TMEM117: variants seen among roughly 807,000 people sequenced by gnomAD.
The protein encoded by TMEM117 is transmembrane protein 117.
In TMEM117, 27 loss-of-function variants were observed where a neutral mutation model predicts 52.4. That is an observed-to-expected ratio of 0.51 (90% confidence interval 0.38 to 0.71). TMEM117 has a LOEUF of 0.71. Among genes scored for constraint, TMEM117 ranks in the 30% least tolerant of loss-of-function variants. TMEM117 has a pLI of 0.00. For missense variants in TMEM117, 556 were observed against 630.5 expected (o/e 0.88, Z 1.26); for synonymous variants, 215 against 206.3 (o/e 1.04, Z -0.36).
the TMEM117 span, among the ~76,000 whole-genome samples, chr12:43,813,007 C>CAAA: frequency 1.5e-4 from 22 of 143,068 alleles, no homozygotes; most frequent in African/African-American, 5.1e-4. Flanking sequence ...ACCCTGTCTC[C>CAAA]AAAAAAAAAA....
At chr12:43,988,824 C>T (rs549641419) in intron 3 of TMEM117, among the ~76,000 whole-genome samples, 1 of 152,150 alleles carries the variant, frequency 6.6e-6, no homozygotes. Flanking sequence ...TTTTGCAAAA[C>T]GTTTACAAGT....
chr12:44,378,099 TC>T (rs1242363421), intron 7 of TMEM117, among the ~76,000 whole-genome samples: 1 of 152,156 alleles, frequency 6.6e-6, no homozygotes, highest in Non-Finnish European at 1.5e-5. Context: ...CATCATCATA[TC>T]CCTTTGGGGG....
intron 3 of TMEM117, among the ~76,000 whole-genome samples, chr12:43,975,472 G>A (rs1178370821): frequency 6.6e-6 from 1 of 152,116 alleles, no homozygotes; most frequent in Non-Finnish European, 1.5e-5. Context: ...GCTCATGACA[G>A]TTTAGGAGGA....
chr12:43,885,114 A>G (rs1943967958), intron 2 of TMEM117, among the ~76,000 whole-genome samples: 1 of 152,152 alleles, frequency 6.6e-6, no homozygotes, highest in Non-Finnish European at 1.5e-5. Flanking sequence ...ATCCCATCCC[A>G]TTTATGAAAG....
chr12:44,139,810 A>G (rs1948545634), intron 3 of TMEM117, among the ~76,000 whole-genome samples: 1 of 152,150 alleles, frequency 6.6e-6, no homozygotes, highest in Admixed American at 6.6e-5. Flanking sequence ...GAAACCTCAC[A>G]ATTTCACTTT....
At position 44,093,671 on chromosome 12, in the gene TMEM117, A is replaced by G. The variant is rs537854983; in HGVS notation, c.411-49854A>G. 7.9e-5 allele frequency among the ~76,000 whole-genome samples: 12 copies of G among 152,200 alleles called. No homozygotes were observed. In the South Asian group the frequency reaches 2.1e-3, roughly 26 times the overall value. Reference sequence around the variant, plus strand: ...CAATGAAATCATCTTTTTTTCATTGAATAGCATTACATAGATCTTTTAAGA... The same window carrying G: ...CAATGAAATCATCTTTTTTTCATTGGATAGCATTACATAGATCTTTTAAGA... On this transcript the variant is annotated intron_variant, in intron 3 of 7. Coordinates refer to ENST00000266534, the MANE Select transcript of TMEM117 (RefSeq NM_032256.3).
chr12:44,273,258 C>T lies in TMEM117; in HGVS notation c.609-26322C>T, dbSNP rs559237582. Among the ~76,000 whole-genome samples the T allele has an allele frequency of 7.2e-5, 11 of 151,994 alleles. No homozygotes were observed. The East Asian group carries it at 1.7e-3, about 24-fold the overall frequency. ...GGGGGGATAGCATTAGGAGATGTACCTAATGTAAATGATGAGTTAATGGGT... is the reference window on the plus strand; with the variant it reads ...GGGGGGATAGCATTAGGAGATGTACTTAATGTAAATGATGAGTTAATGGGT... On this transcript the variant is annotated intron_variant, in intron 5 of 7. Transcript: ENST00000266534.
chr12:44,316,043 T>C (rs115761605), intron 6 of TMEM117, among the ~76,000 whole-genome samples: 3,020 of 152,238 alleles, frequency 0.02, 99 homozygotes, highest in African/African-American at 0.068. Context: ...TGTGTCTTCT[T>C]AGTGAAGCAT....
At chr12:44,018,298 TCTC>T (rs1019695903) in intron 3 of TMEM117, among the ~76,000 whole-genome samples, 1 of 152,220 alleles carries the variant, frequency 6.6e-6, no homozygotes, top group Non-Finnish European at 1.5e-5. Context: ...TTCATTTTTT[TCTC>T]CTTTTTTATG....
the TMEM117 span, among the ~76,000 whole-genome samples, chr12:43,806,532 A>G: frequency 6.6e-6 from 1 of 152,062 alleles, no homozygotes; most frequent in Non-Finnish European, 1.5e-5. Flanking sequence ...CGGGGGGGAC[A>G]TGCCGCAGAA....
In TMEM117 at chr12:43,930,091, C is replaced by T. The variant is rs548366552; in HGVS notation, c.278-14119C>T. Among the ~76,000 whole-genome samples the T allele has an allele frequency of 2.0e-5, 3 of 152,232 alleles. No homozygotes were observed. In the South Asian group the frequency reaches 6.2e-4, roughly 32 times the overall value. On this transcript the variant is annotated intron_variant, in intron 2 of 7. Transcript: ENST00000266534. ...AGGCTTTCTTTGGTTTGATCTGTTTCTGATTTGTCCTTACTCCTATGATAT... is the reference window on the plus strand; with the variant it reads ...AGGCTTTCTTTGGTTTGATCTGTTTTTGATTTGTCCTTACTCCTATGATAT...
intron 6 of TMEM117, among the ~76,000 whole-genome samples, chr12:44,359,098 C>A (rs1951688676): frequency 1.3e-5 from 2 of 151,134 alleles, no homozygotes; most frequent in South Asian, 4.2e-4. Flanking sequence ...ATTTCTCCAA[C>A]CAAAAGTAAA....
chr12:44,029,055 A>C (rs1471410741), intron 3 of TMEM117, among the ~76,000 whole-genome samples: 1 of 152,182 alleles, frequency 6.6e-6, no homozygotes, highest in Admixed American at 6.5e-5. Flanking sequence ...GGGTATATGC[A>C]TACCCAGGAA....
chr12:44,032,871 C>T (rs114457407), intron 3 of TMEM117, among the ~76,000 whole-genome samples: 5,586 of 152,060 alleles, frequency 0.037, 210 homozygotes, highest in African/African-American at 0.093. Flanking sequence ...CTCTGCAACC[C>T]GTAGGATTAA....
At chr12:43,958,875 C>T (rs529727155) in intron 3 of TMEM117, among the ~76,000 whole-genome samples, 105 of 152,080 alleles carry the variant, frequency 6.9e-4, no homozygotes, top group Admixed American at 1.5e-3. Flanking sequence ...GGCGGGATCT[C>T]GGCTCACTGC....
chr12:43,856,985 TC>T (rs1312534911), intron 2 of TMEM117, among the ~76,000 whole-genome samples: 1 of 152,206 alleles, frequency 6.6e-6, no homozygotes, highest in Non-Finnish European at 1.5e-5. Context: ...AAAAAGCTGA[TC>T]TTATTACTTT....
chr12:44,036,294 A>C (rs149127243), intron 3 of TMEM117, among the ~76,000 whole-genome samples: 1 of 152,244 alleles, frequency 6.6e-6, no homozygotes, highest in Admixed American at 6.5e-5. Context: ...ACAGTTTTCT[A>C]CCTACCACTC....
At position 43,927,861 on chromosome 12, in the gene TMEM117, A is replaced by G. The variant is rs114342331; in HGVS notation, c.278-16349A>G. Among the ~76,000 whole-genome samples the G allele has an allele frequency of 7.0e-3, 1,071 of 152,132 alleles. 10 individuals carry two copies. Among genetic ancestry groups the G allele is most frequent in the African/African-American group, 0.023 (962 of 41,544 alleles). On this transcript the variant is annotated intron_variant, in intron 2 of 7. Transcript: ENST00000266534. ...TTTTGCTCTCAGTTTTCTATCTTCTATCTAACAATTATTGTCTTTTAACTG... is the reference window on the plus strand; with the variant it reads ...TTTTGCTCTCAGTTTTCTATCTTCTGTCTAACAATTATTGTCTTTTAACTG...
intron 6 of TMEM117, among the ~76,000 whole-genome samples, chr12:44,359,161 T>A (rs1184306094): frequency 6.6e-6 from 1 of 151,314 alleles, no homozygotes; most frequent in Non-Finnish European, 1.5e-5. Context: ...AAGGTTAGAG[T>A]TTAAAGGAAG....
Sources: allele counts gnomAD v4.1 joint callset (sites outside exome capture counted in the v4.1 genomes callset), GRCh38; gene constraint gnomAD v4.1.1; transcripts MANE v1.5; gene names NCBI Gene and HGNC (gene_info 2026-07-23, HGNC 2026-07-21).